ZFAT: variants seen among roughly 807,000 people sequenced by gnomAD.
ZFAT encodes the protein zinc finger and AT-hook domain containing, also known as zinc finger protein ZFAT.
Under a neutral mutation model 117.7 loss-of-function variants are expected in ZFAT, and 64 were observed. That is an observed-to-expected ratio of 0.54 (90% CI 0.44 to 0.67). The LOEUF (loss-of-function observed/expected upper bound fraction) is 0.67, where lower values mean the gene tolerates loss of function less well. Among genes scored for constraint, ZFAT ranks in the 30% least tolerant of loss-of-function variants. The pLI is 0.00. For missense variants in ZFAT, 1,433 were observed against 1,584.5 expected (o/e 0.90, Z 1.62); for synonymous variants, 679 against 615.0 (o/e 1.10, Z -1.54).
At chr8:134,783,009 T>C in the ZFAT span, among the ~76,000 whole-genome samples, 1 of 152,092 alleles carries the variant, frequency 6.6e-6, no homozygotes, top group Admixed American at 6.6e-5. Flanking sequence ...ACACATTTAT[T>C]TTCAACATAT....
chr8:134,576,919 G>A (rs961214577), intron 10 of ZFAT, among the ~76,000 whole-genome samples: 2 of 152,042 alleles, frequency 1.3e-5, no homozygotes, highest in Admixed American at 1.3e-4. Flanking sequence ...CAGGGGGAGG[G>A]GAGAGACCCA....
chr8:134,681,433 C>A (rs961847732), intron 1 of ZFAT, among the ~76,000 whole-genome samples: 1 of 152,188 alleles, frequency 6.6e-6, no homozygotes, highest in Non-Finnish European at 1.5e-5. Flanking sequence ...GCCAGCTTCC[C>A]CTTAGCGATG....
intron 1 of ZFAT, among the ~76,000 whole-genome samples, chr8:134,684,335 AT>A (rs1833212562): frequency 6.6e-6 from 1 of 152,226 alleles, no homozygotes; most frequent in Non-Finnish European, 1.5e-5. Context: ...GAAAAATTAA[AT>A]TTAAAAAAAC....
the ZFAT span, among the ~76,000 whole-genome samples, chr8:134,773,749 G>C: frequency 6.6e-6 from 1 of 152,176 alleles, no homozygotes; most frequent in East Asian, 1.9e-4. Flanking sequence ...TGCAGATGTG[G>C]TGGGAAGAGC....
chr8:134,523,073 G>C lies in ZFAT; in HGVS notation c.3116-2072C>G, dbSNP rs559855934. On this transcript the variant is annotated intron_variant, in intron 12 of 15. Transcript: ENST00000377838. ...GATCCTCAGCCCTGTTAGACTCAAT[G>C]CCCCTTTCTACAACAAGCAGTTTAA... 2.6e-4 allele frequency among the ~76,000 whole-genome samples: 39 copies of C among 152,158 alleles called. 1 individual carries two copies. Among genetic ancestry groups the C allele is most frequent in the African/African-American group, 9.2e-4 (38 of 41,498 alleles).
intron 14 of ZFAT, chr8:134,510,176 A>G (rs1422727636): frequency 1.8e-5 from 8 of 456,230 alleles, no homozygotes; most frequent in Non-Finnish European, 8.8e-6. Context: ...AAGAAATTCC[A>G]CAAGTTATGG....
chr8:134,709,423 C>T (rs897946209), intron 1 of ZFAT, among the ~76,000 whole-genome samples: 12 of 152,328 alleles, frequency 7.9e-5, no homozygotes, highest in Admixed American at 5.9e-4. Context: ...GGTCAGGAAT[C>T]TGGTGAGAGG....
the ZFAT span, among the ~76,000 whole-genome samples, chr8:134,780,231 C>T: frequency 5.3e-5 from 8 of 152,170 alleles, no homozygotes; most frequent in African/African-American, 4.8e-5. Flanking sequence ...CCCATTCACC[C>T]GCCCCTATTT....
intron 15 of ZFAT, among the ~76,000 whole-genome samples, chr8:134,509,076 C>A (rs1819624454): frequency 6.6e-6 from 1 of 152,232 alleles, no homozygotes; most frequent in African/African-American, 2.4e-5. Flanking sequence ...CCACTGAGGG[C>A]AGAAAAGGAA....
the ZFAT span, among the ~76,000 whole-genome samples, chr8:134,722,738 A>G: frequency 1.3e-5 from 2 of 152,310 alleles, no homozygotes; most frequent in South Asian, 4.1e-4. Context: ...TGCAAAGGAC[A>G]CTGTCCTCGA....
intron 1 of ZFAT, among the ~76,000 whole-genome samples, chr8:134,692,130 C>T (rs1208143354): frequency 6.6e-6 from 1 of 152,144 alleles, no homozygotes; most frequent in Non-Finnish European, 1.5e-5. Context: ...AGCCACCGTG[C>T]CCGGCCTGAA....
chr8:134,712,707 C>T (rs573331806), intron 1 of ZFAT, 138 bp downstream of exon 1: 15 of 719,322 alleles, frequency 2.1e-5, no homozygotes, highest in Non-Finnish European at 3.1e-5. Context: ...CTCCCCAGAC[C>T]CGGATCCCTC....
chr8:134,830,102 C>A, the ZFAT span, among the ~76,000 whole-genome samples: 1 of 152,160 alleles, frequency 6.6e-6, no homozygotes, highest in Non-Finnish European at 1.5e-5. Flanking sequence ...TCCACGATGC[C>A]ACCAAGGTCA....
the ZFAT span, among the ~76,000 whole-genome samples, chr8:134,789,623 T>C: frequency 6.6e-6 from 1 of 152,176 alleles, no homozygotes; most frequent in Non-Finnish European, 1.5e-5. Flanking sequence ...TGAAGACAAA[T>C]GCTACATGGT....
intron 11 of ZFAT, among the ~76,000 whole-genome samples, chr8:134,552,260 T>C (rs1329074583): frequency 6.6e-6 from 1 of 152,076 alleles, no homozygotes; most frequent in Non-Finnish European, 1.5e-5. Flanking sequence ...AAAAAAAATG[T>C]GTTGAAAAAT....
chr8:134,782,605 C>T, the ZFAT span, among the ~76,000 whole-genome samples: 1 of 152,072 alleles, frequency 6.6e-6, no homozygotes, highest in South Asian at 2.1e-4. Flanking sequence ...GGGGTGATTT[C>T]CCTCATACTG....
At chr8:134,654,549 C>T (rs893688887) in intron 2 of ZFAT, among the ~76,000 whole-genome samples, 27 of 152,162 alleles carry the variant, frequency 1.8e-4, no homozygotes, top group African/African-American at 6.3e-4. Flanking sequence ...AGGGCCCCAC[C>T]AGTGAATCCA....
At chr8:134,773,649 G>C in the ZFAT span, among the ~76,000 whole-genome samples, 33 of 152,266 alleles carry the variant, frequency 2.2e-4, no homozygotes, top group South Asian at 6.6e-3. Flanking sequence ...CATGGGAGGC[G>C]GTCAAAACAT....
At chr8:134,495,326 G>A (rs543839929) in intron 15 of ZFAT, among the ~76,000 whole-genome samples, 6 of 152,234 alleles carry the variant, frequency 3.9e-5, no homozygotes, top group Non-Finnish European at 8.8e-5. Flanking sequence ...GAGAGATCAA[G>A]CTCTCTCCTC....
Sources: allele counts gnomAD v4.1 joint callset (sites outside exome capture counted in the v4.1 genomes callset), GRCh38; gene constraint gnomAD v4.1.1; transcripts MANE v1.5; gene names NCBI Gene and HGNC (gene_info 2026-07-23, HGNC 2026-07-21).